NFIA: variants seen among roughly 807,000 people sequenced by gnomAD.
The protein encoded by NFIA is nuclear factor I A.
In NFIA, 8 loss-of-function variants were observed where a neutral mutation model predicts 62.8. The ratio of observed to expected loss-of-function variants is 0.13; its 90% confidence interval spans 0.07 to 0.23. NFIA has a LOEUF of 0.23. Ranked by LOEUF, NFIA falls within the 10% of genes least tolerant of loss-of-function variation. The pLI is 1.00. For synonymous variants in NFIA, 235 were observed against 238.1 expected, an observed-to-expected ratio of 0.99 and a Z score of 0.12; for missense variants, 410 against 642.1, an observed-to-expected ratio of 0.64 and a Z score of 3.91.
chr1:61,405,023 A>G (rs755832011), intron 8 of NFIA, among the ~76,000 whole-genome samples: 2 of 152,232 alleles, frequency 1.3e-5, no homozygotes, highest in African/African-American at 2.4e-5. Context: ...ATAATAAACA[A>G]CGACCAGCAT....
intron 2 of NFIA, among the ~76,000 whole-genome samples, chr1:61,218,476 G>A (rs947497169): frequency 6.6e-6 from 1 of 152,202 alleles, no homozygotes; most frequent in Non-Finnish European, 1.5e-5. Flanking sequence ...CTTCATGCCA[G>A]TGGGTTCTGT....
upstream of NFIA, chr1:61,082,358 C>G (rs1242842585): frequency 1.6e-5 from 7 of 429,284 alleles, no homozygotes; most frequent in Non-Finnish European, 2.2e-5. Context: ...CAGCCGCCCC[C>G]TCCCCCACAC....
intron 2 of NFIA, among the ~76,000 whole-genome samples, chr1:61,127,479 TGAG>T (rs1461588044): frequency 6.6e-6 from 1 of 151,586 alleles, no homozygotes; most frequent in Non-Finnish European, 1.5e-5. Context: ...AAAAAAGTAT[TGAG>T]AAGTACTCAG....
intron 2 of NFIA, among the ~76,000 whole-genome samples, chr1:61,184,049 T>C (rs1650943457): frequency 6.8e-6 from 1 of 147,208 alleles, no homozygotes; most frequent in African/African-American, 2.5e-5. Flanking sequence ...AACTGTGAAA[T>C]TGAGCCGGAG....
At chr1:61,287,581 G>C (rs1232139590) in intron 3 of NFIA, among the ~76,000 whole-genome samples, 1 of 152,018 alleles carries the variant, frequency 6.6e-6, no homozygotes, top group Admixed American at 6.6e-5. Context: ...AAGGCAGGTA[G>C]ATCACTTGTG....
Position 61,386,269 on chromosome 1 carries a change from CA to C in NFIA, c.1075+2905del, listed in dbSNP as rs549535109. On this transcript the variant is annotated intron_variant, in intron 7 of 10. Transcript: ENST00000403491. ...AAGAGTCAGTGTGGAATCGATGTCA[CA>C]TGTGCGCATAAAGGAGATTTCAACC... 3.1e-3 allele frequency among the ~76,000 whole-genome samples: 475 copies of C among 152,288 alleles called. 4 individuals are homozygous for C. Among genetic ancestry groups the C allele is most frequent in the African/African-American group, 0.011 (456 of 41,556 alleles).
chr1:61,294,464 T>C (rs1659077519), intron 3 of NFIA, among the ~76,000 whole-genome samples: 1 of 152,226 alleles, frequency 6.6e-6, no homozygotes, highest in East Asian at 1.9e-4. Context: ...AAAAAAAAAG[T>C]TACTTGAAAG....
chr1:61,114,811 A>G (rs1410713774), intron 2 of NFIA, among the ~76,000 whole-genome samples: 5 of 152,172 alleles, frequency 3.3e-5, no homozygotes, highest in Admixed American at 3.3e-4. Flanking sequence ...GAGTGCCTTC[A>G]AGACACTAGA....
At chr1:61,345,675 A>T (rs913727550) in intron 4 of NFIA, among the ~76,000 whole-genome samples, 1 of 152,172 alleles carries the variant, frequency 6.6e-6, no homozygotes, top group African/African-American at 2.4e-5. Context: ...CCTATTGTGA[A>T]CTGCACGTGC....
intron 10 of NFIA, among the ~76,000 whole-genome samples, chr1:61,432,788 A>G (rs1295809711): frequency 6.6e-6 from 1 of 152,070 alleles, no homozygotes; most frequent in African/African-American, 2.4e-5. Flanking sequence ...TTAGAGAGGA[A>G]TGGCAGATAA....
chr1:61,118,664 G>C (rs1192029920), intron 2 of NFIA, among the ~76,000 whole-genome samples: 1 of 426 alleles, frequency 2.3e-3, no homozygotes, highest in East Asian at 0.033. Context: ...GGATGAGTGT[G>C]TGTGTGTGTG....
At chr1:61,115,848 G>A (rs924302079) in intron 2 of NFIA, among the ~76,000 whole-genome samples, 9 of 152,136 alleles carry the variant, frequency 5.9e-5, no homozygotes, top group Admixed American at 5.9e-4. Flanking sequence ...TGGCCCAAAT[G>A]TACATTTGAA....
chr1:61,165,102 G>GTTTAT (rs1291401261), intron 2 of NFIA, among the ~76,000 whole-genome samples: 1 of 152,142 alleles, frequency 6.6e-6, no homozygotes, highest in Non-Finnish European at 1.5e-5. Context: ...TCTTGGAAAA[G>GTTTAT]TTTATTTAGA....
chr1:61,374,086 G>T (rs1387970377), intron 6 of NFIA, among the ~76,000 whole-genome samples: 1 of 152,044 alleles, frequency 6.6e-6, no homozygotes, highest in Non-Finnish European at 1.5e-5. Flanking sequence ...GCCACATGTG[G>T]CTAGTAGCTA....
intron 2 of NFIA, among the ~76,000 whole-genome samples, chr1:61,159,475 C>T (rs943737771): frequency 2.4e-4 from 37 of 152,284 alleles, no homozygotes; most frequent in African/African-American, 8.2e-4. Flanking sequence ...TTCTGACAAG[C>T]TCGCTGAGAC....
intron 2 of NFIA, among the ~76,000 whole-genome samples, chr1:61,169,569 C>G (rs1295107734): frequency 2.6e-5 from 4 of 152,184 alleles, no homozygotes; most frequent in African/African-American, 9.7e-5. Flanking sequence ...GGACTCAGTA[C>G]TCTCATTCTA....
chr1:61,266,129 A>G (rs550511341), intron 2 of NFIA, among the ~76,000 whole-genome samples: 2 of 152,304 alleles, frequency 1.3e-5, no homozygotes, highest in South Asian at 2.1e-4. Context: ...ATCTATAGAT[A>G]TTCTGGCCTG....
intron 9 of NFIA, among the ~76,000 whole-genome samples, chr1:61,425,453 T>A (rs1027315024): frequency 2.0e-5 from 3 of 152,242 alleles, no homozygotes; most frequent in Non-Finnish European, 4.4e-5. Context: ...GATTGTTTCT[T>A]AGATGATGTG....
At chr1:61,241,478 A>G (rs1655346864) in intron 2 of NFIA, among the ~76,000 whole-genome samples, 1 of 152,260 alleles carries the variant, frequency 6.6e-6, no homozygotes, top group African/African-American at 2.4e-5. Context: ...AATGTGGACT[A>G]TTTTTAACTA....
Sources: gnomAD v4.1 joint callset for allele counts (sites outside exome capture counted in the v4.1 genomes callset) on GRCh38, gnomAD v4.1.1 for gene constraint, MANE v1.5 for transcripts, NCBI Gene and HGNC (gene_info 2026-07-23, HGNC 2026-07-21) for gene names.